The following KIAA1614 variants were observed in gnomAD, a reference collection of about 807,000 sequenced individuals.
KIAA1614 encodes uncharacterized protein KIAA1614.
A neutral mutation model predicts 88.7 loss-of-function variants in KIAA1614; 76 were observed. The observed-to-expected ratio is 0.86, with a 90% CI of 0.71 to 1.04. The LOEUF (loss-of-function observed/expected upper bound fraction) is 1.04. KIAA1614 is among the 50% of genes least tolerant of loss of function. KIAA1614 has a pLI of 0.00. For synonymous variants in KIAA1614, 714 were observed against 675.5 expected, an observed-to-expected ratio of 1.06 and a Z score of -0.88; for missense variants, 1,553 against 1,582.5, an observed-to-expected ratio of 0.98 and a Z score of 0.32.
Position 180,916,607 on chromosome 1 carries a change from G to A in KIAA1614, c.504G>A (p.Arg168=), listed in dbSNP as rs971780602. Residue 168 remains arginine (R), a synonymous_variant, in exon 2 of 9, where the codon AGG becomes AGA. Transcript: ENST00000367588. ...EEQPARDGGP[R]LPRPPAPGRE... is the part of the protein sequence containing the mutation. ...AACCCGCCAGGGATGGAGGCCCCAG[G>A]CTTCCCAGGCCGCCTGCCCCTGGAC... 2 of 1,603,260 alleles carry A rather than the reference G, an allele frequency of 1.2e-6. No homozygotes were observed. The highest frequency in any genetic ancestry group is 1.7e-6 in the Non-Finnish European group (2 of 1,173,862).
chr1:180,928,388 TA>T, intron 3 of KIAA1614, 41 bp from the exon 4 acceptor site: 1 of 1,483,982 alleles, frequency 6.7e-7, no homozygotes, highest in Admixed American at 2.3e-5. Context: ...TATTTTCCTC[TA>T]ATCCCTCCCC....
rs547208823 is a variant in KIAA1614 at position 180,928,497 on chromosome 1, C to A, written c.1129C>A (p.Arg377Ser). Residue 377 changes from arginine (R) to serine (S), a missense_variant, in exon 4 of 9, where the codon CGT becomes AGT. Coordinates refer to ENST00000367588, the MANE Select transcript of KIAA1614 (RefSeq NM_020950.2). ...RHEEATHLLQRARMKARTRPL... is the reference protein window; with the variant it reads ...RHEEATHLLQSARMKARTRPL... ...TGAGGAAGCCACGCATCTGCTGCAG[C>A]GTGCCCGCATGAAGGCCAGGACCCG... The A allele has an allele frequency of 3.1e-6, 5 of 1,613,062 alleles. No individual in the cohort carries two copies. The highest frequency in any genetic ancestry group is 2.2e-5 in the South Asian group (2 of 91,076).
At chr1:180,939,577 T>C (rs2102273508) in intron 6 of KIAA1614, among the ~76,000 whole-genome samples, 1 of 152,260 alleles carries the variant, frequency 6.6e-6, no homozygotes, top group South Asian at 2.1e-4. Context: ...TGGCCTGAAC[T>C]CATGGCTTCT....
In KIAA1614 at chr1:180,935,449, A is replaced by G. The variant is rs2102269703; in HGVS notation, c.1540A>G (p.Arg514Gly). 6.8e-7 allele frequency: 1 copy of G among 1,473,522 alleles called. No individual in the cohort carries two copies. 91.3% of individuals were successfully genotyped at this position (1,473,522 alleles called of 1,614,324 possible). ...LRDAGQGTFH[R>G]LVGSLDRRGH... is the part of the protein sequence containing the mutation. Reference sequence around the variant, plus strand: ...GGACGCGGGGCAGGGGACATTCCACAGGCTTGTGGGCAGCCTGGACCGCAG... The same window carrying G: ...GGACGCGGGGCAGGGGACATTCCACGGGCTTGTGGGCAGCCTGGACCGCAG... Residue 514 changes from arginine to glycine, a missense_variant, in exon 5 of 9, where the codon AGG (arginine) becomes GGG (glycine). Physicochemically the swap from Arg to Gly is moderately radical, Grantham distance 125. Transcript: ENST00000367588. This position sits in a 1 kb window ranked among gnomAD's most constrained non-coding sequence, Gnocchi z 6.1.
At chr1:180,940,753 G>A (rs1288391316) in intron 6 of KIAA1614, among the ~76,000 whole-genome samples, 5 of 142,072 alleles carry the variant, frequency 3.5e-5, no homozygotes, top group African/African-American at 7.9e-5. Context: ...TCACTATGTC[G>A]CCCAGGTTGA....
At chr1:180,941,004 C>CCGGGGG in intron 6 of KIAA1614, 41 bp from the exon 7 acceptor site, 12 of 915,348 alleles carry the variant, frequency 1.3e-5, no homozygotes, top group African/African-American at 1.7e-5. Context: ...GCCACCCTCC[C>CCGGGGG]GGCCCTCCCC....
rs927014970 is a variant in KIAA1614, at chr1:180,940,950, C to T, written c.2919-95C>T. On this transcript the variant is annotated intron_variant, in intron 6 of 8. Coordinates refer to ENST00000367588, the MANE Select transcript of KIAA1614 (RefSeq NM_020950.2). ...AATGTGCCAGAGGCATTGGTGCTGG[C>T]CCATCTGCGGCCCTTGAGATGGCCC... 10 of 1,100,604 alleles carry T rather than the reference C, an allele frequency of 9.1e-6. No individual in the cohort carries two copies. In the African/African-American group the frequency reaches 1.4e-4, roughly 16 times the overall value. The allele number at this position is 1,100,604 out of a possible 1,614,324, so 68.2% of individuals were successfully genotyped here.
At chr1:180,913,431 A>T in intron 1 of KIAA1614, 138 bp downstream of exon 1, 1 of 451,614 alleles carries the variant, frequency 2.2e-6, no homozygotes, top group Non-Finnish European at 3.6e-6. Context: ...GGTCGTGGGG[A>T]GGCCCGCCCT....
At position 180,948,456 on chromosome 1, in the gene KIAA1614, A is replaced by G. The variant is rs770880830; in HGVS notation, c.*2868A>G. ...GCAGACAATAAATGCCTATGACAGC[A>G]GGCTGTCATATTTGTGTCACGAATT... On this transcript the variant is annotated 3_prime_UTR_variant, in exon 9 of 9. Coordinates refer to ENST00000367588, the MANE Select transcript of KIAA1614 (RefSeq NM_020950.2). The G allele has an allele frequency of 7.9e-5, 12 of 152,266 alleles. No homozygotes were observed. The highest frequency in any genetic ancestry group is 1.5e-4 in the Non-Finnish European group (10 of 68,060). The allele number at this position is 152,266 out of a possible 1,614,324, so 9.4% of individuals were successfully genotyped here.
At chr1:180,929,628 C>T (rs983487593) in intron 4 of KIAA1614, among the ~76,000 whole-genome samples, 3 of 152,242 alleles carry the variant, frequency 2.0e-5, no homozygotes, top group Non-Finnish European at 4.4e-5. Context: ...ACTGCATCCC[C>T]ATCTTCCTGC....
rs1653698427 is a variant in KIAA1614, at chr1:180,913,229, T to G, written c.-15T>G. 2.4e-5 allele frequency: 30 copies of G among 1,262,066 alleles called. No homozygotes were observed. Among genetic ancestry groups the G allele is most frequent in the Non-Finnish European group, 2.9e-5 (29 of 997,554 alleles). 78.2% of individuals were successfully genotyped at this position (1,262,066 alleles called of 1,614,324 possible). ...GAGGGAGAAGGGGCTGGAGAGGGCCTGGCCTCTCCGAGGGATGGAGGGGAC... is the reference window on the plus strand; with the variant it reads ...GAGGGAGAAGGGGCTGGAGAGGGCCGGGCCTCTCCGAGGGATGGAGGGGAC... On this transcript the variant is annotated 5_prime_UTR_variant, in exon 1 of 9. Transcript: ENST00000367588.
At chr1:180,936,879 G>A (rs753114828) in intron 5 of KIAA1614, among the ~76,000 whole-genome samples, 2 of 152,158 alleles carry the variant, frequency 1.3e-5, no homozygotes, top group Non-Finnish European at 2.9e-5. Flanking sequence ...AGGATTGACC[G>A]CCGGCCTGGA....
Position 180,945,940 on chromosome 1 carries a change from C to T in KIAA1614, c.*352C>T, listed in dbSNP as rs1654582350. ...GCCCACATGGTGAAACCCATGTCTA[C>T]TAAAAATACAAAATTAGCTGGGCGT... On this transcript the variant is annotated 3_prime_UTR_variant, in exon 9 of 9. Transcript: ENST00000367588. 5.8e-6 allele frequency: 2 copies of T among 346,534 alleles called. No homozygotes were observed. The highest frequency in any genetic ancestry group is 2.1e-4 in the South Asian group (2 of 9,678). The allele number at this position is 346,534 out of a possible 1,614,324, so 21.5% of individuals were successfully genotyped here. A position where few individuals can be genotyped will look rare whatever the true frequency, so the allele number is the denominator to read the frequency against.
In KIAA1614 at chr1:180,916,273, A is replaced by T. The variant is rs1466897289; in HGVS notation, c.170A>T (p.Gln57Leu). Residue 57 changes from glutamine to leucine, a missense_variant, in exon 2 of 9, where the codon CAG (glutamine) becomes CTG (leucine). Transcript: ENST00000367588. ...GHPPRPWPCP[Q>L]ENRTSSLMAP... ...CCCCCAAGACCCTGGCCTTGCCCTC[A>T]GGAAAACAGAACATCCAGCCTGATG... The T allele has an allele frequency of 6.2e-7, 1 of 1,613,686 alleles. No individual in the cohort carries two copies. The highest frequency in any genetic ancestry group is 2.2e-5 in the East Asian group (1 of 44,894).
intron 4 of KIAA1614, among the ~76,000 whole-genome samples, chr1:180,932,267 G>C (rs1654213801): frequency 6.6e-6 from 1 of 152,096 alleles, no homozygotes; most frequent in African/African-American, 2.4e-5. Context: ...GGGGTGTCCT[G>C]CTCAGTAGCC....
At chr1:180,943,548 ATCTTT>A (rs1170360154) in intron 7 of KIAA1614, among the ~76,000 whole-genome samples, 1 of 74,862 alleles carries the variant, frequency 1.3e-5, no homozygotes, top group Non-Finnish European at 2.5e-5. Flanking sequence ...ATGGTAGTAG[ATCTTT>A]TTTTTTTTTT....
At position 180,951,205 on chromosome 1, in the gene KIAA1614, AACAAC is replaced by A. The variant is rs1355899785; in HGVS notation, c.*5619_*5623del. ...AAATTTTTTTATACATAAAGTTGAA[AACAAC>A]AACAACAACAACAAAGACCAATTTC... is the stretch of plus-strand genomic sequence containing the variant. On this transcript the variant is annotated 3_prime_UTR_variant, in exon 9 of 9. Coordinates refer to ENST00000367588, the MANE Select transcript of KIAA1614 (RefSeq NM_020950.2). 10 of 91,436 alleles carry A rather than the reference AACAAC, an allele frequency of 1.1e-4. No homozygotes were observed. The East Asian group carries it at 2.3e-3, about 21-fold the overall frequency. The allele number at this position is 91,436 out of a possible 1,614,324, so 5.7% of individuals were successfully genotyped here.
chr1:180,935,852 G>A lies in KIAA1614; in HGVS notation c.1943G>A (p.Arg648Gln). ...GRTQGSSPRL[R>Q]LRGSRPRGHR... ...ACCCAAGGCAGCAGCCCGCGACTGC[G>A]ACTGCGGGGCTCCAGGCCTCGAGGC... is the stretch of plus-strand genomic sequence containing the variant. The change falls in exon 5 of 9, where the codon CGA becomes CAA. Residue 648 changes from arginine to glutamine, a missense_variant. Transcript: ENST00000367588. This position sits in a 1 kb window ranked among gnomAD's most constrained non-coding sequence, Gnocchi z 6.1. The A allele has an allele frequency of 6.2e-7, 1 of 1,613,706 alleles. No individual in the cohort carries two copies. Among genetic ancestry groups the A allele is most frequent in the Non-Finnish European group, 8.5e-7 (1 of 1,179,910 alleles).
rs978051684 is a variant in KIAA1614, at chr1:180,913,263, C to T, written c.20C>T (p.Ala7Val). MEGTEA[A>V]AAKPAGGSPQ... ...CGAGGGATGGAGGGGACAGAGGCGG[C>T]GGCGGCCAAACCCGCGGGCGGCAGC... The change falls in exon 1 of 9, where the codon GCG becomes GTG. Residue 7 changes from alanine to valine, a missense_variant. Ala to Val is a moderately conservative substitution (Grantham distance 64). Coordinates refer to ENST00000367588, the MANE Select transcript of KIAA1614 (RefSeq NM_020950.2). The T allele has an allele frequency of 4.8e-6, 6 of 1,260,540 alleles. No homozygotes were observed. Among genetic ancestry groups the T allele is most frequent in the South Asian group, 3.5e-5 (1 of 28,856 alleles). The allele number at this position is 1,260,540 out of a possible 1,614,324, so 78.1% of individuals were successfully genotyped here.
Sources: gnomAD v4.1 joint callset for allele counts (sites outside exome capture counted in the v4.1 genomes callset) on GRCh38, gnomAD v4.1.1 for gene constraint, Gnocchi (gnomAD v3.1) non-coding constraint, MANE v1.5 for transcripts, NCBI Gene and HGNC (gene_info 2026-07-23, HGNC 2026-07-21) for gene names.